PTPRG: variants seen among roughly 807,000 people sequenced by gnomAD.
PTPRG encodes the protein receptor-type tyrosine-protein phosphatase gamma.
In PTPRG, 102 loss-of-function variants were observed where a neutral mutation model predicts 165.3. The ratio of observed to expected loss-of-function variants is 0.62; its 90% CI spans 0.53 to 0.73. PTPRG has a LOEUF of 0.73. Among genes scored for constraint, PTPRG ranks in the 30% least tolerant of loss-of-function variants. PTPRG has a pLI of 0.00. For missense variants in PTPRG, 1,866 were observed against 1,861.4 expected (o/e 1.00, Z -0.05); for synonymous variants, 675 against 669.5 (o/e 1.01, Z -0.13).
intron 8 of PTPRG, among the ~76,000 whole-genome samples, chr3:62,179,018 TAGG>T (rs959638704): frequency 3.3e-5 from 5 of 152,192 alleles, no homozygotes; most frequent in African/African-American, 1.2e-4. Flanking sequence ...ATTGGAGCCA[TAGG>T]AGGTATCTAG....
In PTPRG at chr3:61,874,789, T is replaced by G. The variant is rs368020579; in HGVS notation, c.191-114836T>G. Among the ~76,000 whole-genome samples the G allele has an allele frequency of 6.8e-4, 103 of 152,312 alleles. 2 individuals are homozygous for G. The highest frequency in any genetic ancestry group is 2.4e-3 in the African/African-American group (98 of 41,562). ...ATCTAGCCCAAAATATTAACAGAGC[T>G]GAGGATGAGACGCCCTGCCCTAATT... On this transcript the variant is annotated intron_variant, in intron 2 of 29. Transcript: ENST00000474889.
chr3:61,866,635 C>G (rs918738676), intron 2 of PTPRG, among the ~76,000 whole-genome samples: 8 of 108,924 alleles, frequency 7.3e-5, no homozygotes, highest in African/African-American at 2.8e-4. Flanking sequence ...GAGTCTTGGT[C>G]TGTCACCAGG....
At chr3:61,760,272 C>T (rs1275911177) in intron 2 of PTPRG, among the ~76,000 whole-genome samples, 1 of 152,122 alleles carries the variant, frequency 6.6e-6, no homozygotes, top group Non-Finnish European at 1.5e-5. Context: ...TATCCTAGTT[C>T]AAAAGTTATG....
intron 2 of PTPRG, among the ~76,000 whole-genome samples, chr3:61,754,343 C>T (rs2033560578): frequency 6.6e-6 from 1 of 152,182 alleles, no homozygotes; most frequent in South Asian, 2.1e-4. Context: ...TTTTGGCCTC[C>T]ACCCTGGAGT....
intron 3 of PTPRG, among the ~76,000 whole-genome samples, chr3:61,992,525 A>G (rs927033930): frequency 6.6e-6 from 1 of 151,784 alleles, no homozygotes; most frequent in Non-Finnish European, 1.5e-5. Flanking sequence ...ATGCCCGGCT[A>G]ATTTTTTTTT....
intron 1 of PTPRG, among the ~76,000 whole-genome samples, chr3:61,741,818 G>C (rs566092316): frequency 4.6e-5 from 7 of 152,170 alleles, no homozygotes; most frequent in Admixed American, 3.3e-4. Flanking sequence ...GGACACCTCA[G>C]ACTTCCATTG....
chr3:61,948,999 T>C, intron 2 of PTPRG, among the ~76,000 whole-genome samples: 1 of 136,660 alleles, frequency 7.3e-6, no homozygotes, highest in East Asian at 2.1e-4. Context: ...CTGCTGACAC[T>C]CCAAGGAAAA....
chr3:61,827,789 A>G (rs775803465), intron 2 of PTPRG, among the ~76,000 whole-genome samples: 7 of 152,190 alleles, frequency 4.6e-5, no homozygotes, highest in Non-Finnish European at 1.0e-4. Flanking sequence ...ATAGGTCATC[A>G]CTGGTGACCC....
Position 61,599,476 on chromosome 3 carries a change from A to G in PTPRG, c.85+37104A>G, listed in dbSNP as rs147631151. On this transcript the variant is annotated intron_variant, in intron 1 of 29. Coordinates refer to ENST00000474889, the MANE Select transcript of PTPRG (RefSeq NM_002841.4). ...GAAACTTTTTTCTAGGTGCTTTCAC[A>G]TATCCTGCATTCTTTTTTCTTTGTT... Among the ~76,000 whole-genome samples the G allele has an allele frequency of 1.4e-4, 21 of 152,134 alleles. No individual in the cohort carries two copies. In the East Asian group the frequency reaches 4.1e-3, roughly 30 times the overall value.
intron 8 of PTPRG, 29 bp downstream of exon 8, chr3:62,168,192 A>G: frequency 6.4e-7 from 1 of 1,555,192 alleles, no homozygotes; most frequent in Non-Finnish European, 8.7e-7. Flanking sequence ...CCTTGCCCAG[A>G]GGAAGATTCC....
intron 2 of PTPRG, among the ~76,000 whole-genome samples, chr3:61,840,457 C>T (rs1053523594): frequency 5.3e-5 from 8 of 152,054 alleles, no homozygotes; most frequent in Admixed American, 3.3e-4. Context: ...AAAACTTAAG[C>T]TTTCTTCTAT....
At chr3:62,128,192 G>A (rs544915893) in intron 5 of PTPRG, among the ~76,000 whole-genome samples, 80 of 152,250 alleles carry the variant, frequency 5.3e-4, no homozygotes, top group African/African-American at 1.7e-3. Flanking sequence ...TGCCAGGAGC[G>A]AAGTTTTGCA....
chr3:61,866,845 C>T (rs1329965473), intron 2 of PTPRG, among the ~76,000 whole-genome samples: 2 of 152,096 alleles, frequency 1.3e-5, no homozygotes, highest in East Asian at 1.9e-4. Context: ...GATCCATCCG[C>T]CTTGGCCTGC....
chr3:61,600,192 A>ATGTGTGTGTGTGTG (rs1258297289), intron 1 of PTPRG, among the ~76,000 whole-genome samples: 16 of 106,638 alleles, frequency 1.5e-4, no homozygotes, highest in East Asian at 1.4e-3. Flanking sequence ...ATATATATAT[A>ATGTGTGTGTGTGTG]TGTGTGTGTG....
intron 2 of PTPRG, among the ~76,000 whole-genome samples, chr3:61,880,244 T>C (rs1191650811): frequency 2.0e-5 from 3 of 152,176 alleles, no homozygotes; most frequent in Non-Finnish European, 2.9e-5. Context: ...GATTAAGAAA[T>C]TGACAAATGT....
At chr3:62,004,103 A>C (rs1706275772) in intron 4 of PTPRG, among the ~76,000 whole-genome samples, 1 of 152,204 alleles carries the variant, frequency 6.6e-6, no homozygotes, top group African/African-American at 2.4e-5. Context: ...GCTTAGAGCC[A>C]GGGTGAGGGC....
At chr3:62,265,169 T>A (rs1370514062) in intron 17 of PTPRG, among the ~76,000 whole-genome samples, 1 of 152,182 alleles carries the variant, frequency 6.6e-6, no homozygotes, top group African/African-American at 2.4e-5. Flanking sequence ...TAAGAGTTCT[T>A]TATATATTCT....
intron 4 of PTPRG, among the ~76,000 whole-genome samples, chr3:62,076,455 C>T (rs954823341): frequency 6.6e-6 from 1 of 152,030 alleles, no homozygotes; most frequent in Admixed American, 6.6e-5. Context: ...CTGGTGCTTG[C>T]AAGTAAGGAA....
At chr3:61,799,894 ATTC>A (rs1361801864) in intron 2 of PTPRG, among the ~76,000 whole-genome samples, 3 of 152,188 alleles carry the variant, frequency 2.0e-5, no homozygotes, top group Non-Finnish European at 4.4e-5. Context: ...AAGGGGTTGA[ATTC>A]TGAATTTGGA....
Sources: gnomAD v4.1 joint callset for allele counts (sites outside exome capture counted in the v4.1 genomes callset) on GRCh38, gnomAD v4.1.1 for gene constraint, MANE v1.5 for transcripts, NCBI Gene and HGNC (gene_info 2026-07-23, HGNC 2026-07-21) for gene names.